The following GABBR2 variants were observed in gnomAD, a reference collection of about 807,000 sequenced individuals.
The protein encoded by GABBR2 is gamma-aminobutyric acid type B receptor subunit 2.
A neutral mutation model predicts 105.6 loss-of-function variants in GABBR2; 23 were observed. The ratio of observed to expected loss-of-function variants is 0.22; its 90% CI spans 0.16 to 0.31. The LOEUF (loss-of-function observed/expected upper bound fraction) is 0.31. Among genes scored for constraint, GABBR2 ranks in the 10% least tolerant of loss-of-function variants. The probability of loss-of-function intolerance (pLI) is 1.00; values close to 1 mark genes in which losing one functional copy is unlikely to be tolerated. For synonymous variants in GABBR2, 478 were observed against 499.7 expected, an observed-to-expected ratio of 0.96 and a Z score of 0.58; for missense variants, 734 against 1,245.5, an observed-to-expected ratio of 0.59 and a Z score of 6.18.
chr9:98,328,363 C>A (rs542692463), intron 13 of GABBR2, among the ~76,000 whole-genome samples: 2 of 152,106 alleles, frequency 1.3e-5, no homozygotes, highest in African/African-American at 4.8e-5. Flanking sequence ...CTATTAGTGA[C>A]GTGGCTGATT....
chr9:98,656,705 T>A (rs1226930799), intron 1 of GABBR2, among the ~76,000 whole-genome samples: 1 of 152,228 alleles, frequency 6.6e-6, no homozygotes. Flanking sequence ...AGTTACCAGT[T>A]ATGCCTTAAC....
At chr9:98,601,656 G>A (rs1829338543) in intron 1 of GABBR2, among the ~76,000 whole-genome samples, 1 of 152,190 alleles carries the variant, frequency 6.6e-6, no homozygotes, top group Admixed American at 6.5e-5. Flanking sequence ...AAAGTGAAGG[G>A]TGTTCTTTAA....
intron 10 of GABBR2, among the ~76,000 whole-genome samples, chr9:98,386,416 A>G (rs1390214893): frequency 6.6e-6 from 1 of 152,154 alleles, no homozygotes; most frequent in East Asian, 1.9e-4. Flanking sequence ...AAAGACAGCC[A>G]CACATGTGGG....
At chr9:98,646,693 C>T (rs1462451648) in intron 1 of GABBR2, among the ~76,000 whole-genome samples, 1 of 152,114 alleles carries the variant, frequency 6.6e-6, no homozygotes, top group Non-Finnish European at 1.5e-5. Context: ...TGTTCAGAGG[C>T]CCTTCCTCAT....
chr9:98,460,839 AC>A (rs1826412907), intron 6 of GABBR2, among the ~76,000 whole-genome samples: 1 of 152,106 alleles, frequency 6.6e-6, no homozygotes, highest in Non-Finnish European at 1.5e-5. Context: ...AGGAAAGTTC[AC>A]TTCAGCACAG....
Position 98,394,253 on chromosome 9 carries a change from T to G in GABBR2, c.1300A>C (p.Ser434Arg). The G allele has an allele frequency of 6.2e-7, 1 of 1,611,300 alleles. No individual in the cohort carries two copies. The highest frequency in any genetic ancestry group is 1.1e-5 in the South Asian group (1 of 90,986). ...TACTCTCCCACCTTCACCTCCCTGC[T>G]GTCTGTGGGGAGCAAAAGACAGTGG... ...GTIKFTQFQD[S>R]REVKVGEYNA... Residue 434 changes from serine to arginine, a missense_variant and splice_region_variant, in exon 9 of 19, where the codon AGC becomes CGC. Ser to Arg is a moderately radical substitution (Grantham distance 110). Coordinates refer to ENST00000259455, the MANE Select transcript of GABBR2 (RefSeq NM_005458.8).
chr9:98,337,096 G>C (rs4743201), intron 13 of GABBR2, among the ~76,000 whole-genome samples: 66,720 of 151,966 alleles, frequency 0.44, 14,773 homozygotes, highest in Middle Eastern at 0.47. Flanking sequence ...CCTGAGGTCA[G>C]GAGTTGAAGA....
chr9:98,324,811 C>T (rs947178542), intron 13 of GABBR2, among the ~76,000 whole-genome samples: 3 of 152,092 alleles, frequency 2.0e-5, no homozygotes, highest in Admixed American at 6.5e-5. Context: ...CCTCTGATGA[C>T]GGAGTTACCA....
At chr9:98,372,564 A>AGAGGCAGCCAGGCTGCAG (rs1460323809) in intron 11 of GABBR2, among the ~76,000 whole-genome samples, 1 of 152,232 alleles carries the variant, frequency 6.6e-6, no homozygotes, top group African/African-American at 2.4e-5. Flanking sequence ...GGGGAAAAAG[A>AGAGGCAGCCAGGCTGCAG]GAGGCAGCCA....
intron 5 of GABBR2, among the ~76,000 whole-genome samples, chr9:98,478,630 C>G (rs997638921): frequency 6.6e-6 from 1 of 152,138 alleles, no homozygotes; most frequent in African/African-American, 2.4e-5. Context: ...AGCCAGGGGG[C>G]TTTGGGTTGA....
rs1423721942 is a variant in GABBR2 at position 98,306,010 on chromosome 9, C to T, written c.2229+111G>A. The stretch of plus-strand genomic sequence containing the variant: ...TTTCTATAATGTGAATTGTCTTCAT[C>T]ATAAAAAAAAAAAGGAATGGGTAAA... On this transcript the variant is annotated intron_variant, in intron 15 of 18. Coordinates refer to ENST00000259455, the MANE Select transcript of GABBR2 (RefSeq NM_005458.8). This position sits in a 1 kb window ranked among gnomAD's most constrained non-coding sequence, Gnocchi z 5.4. The T allele has an allele frequency of 1.4e-6, 1 of 713,852 alleles. No individual in the cohort carries two copies. The highest frequency in any genetic ancestry group is 1.9e-5 in the African/African-American group (1 of 53,746). The allele number at this position is 713,852 out of a possible 1,614,324, so 44.2% of individuals were successfully genotyped here.
intron 7 of GABBR2, among the ~76,000 whole-genome samples, chr9:98,412,084 TG>T (rs1564057471): frequency 6.6e-6 from 1 of 152,234 alleles, no homozygotes; most frequent in African/African-American, 2.4e-5. Flanking sequence ...TTAAGCCCTT[TG>T]TTGGGGCCTC....
intron 6 of GABBR2, among the ~76,000 whole-genome samples, chr9:98,460,072 T>A (rs1039820104): frequency 3.9e-5 from 6 of 152,220 alleles, no homozygotes; most frequent in Non-Finnish European, 7.3e-5. Context: ...AACAAATTCA[T>A]AGGTGATCCA....
chr9:98,378,444 C>T, intron 11 of GABBR2, among the ~76,000 whole-genome samples: 1 of 152,202 alleles, frequency 6.6e-6, no homozygotes, highest in East Asian at 1.9e-4. Context: ...GAGCTCCTTC[C>T]CTCCCACAGC....
intron 7 of GABBR2, among the ~76,000 whole-genome samples, chr9:98,422,828 T>G (rs1365246752): frequency 1.9e-4 from 28 of 147,450 alleles, no homozygotes; most frequent in African/African-American, 6.5e-4. Flanking sequence ...GTTCTCACTG[T>G]TCAATTCCCA....
At chr9:98,418,089 G>A (rs1428712971) in intron 7 of GABBR2, among the ~76,000 whole-genome samples, 1 of 152,184 alleles carries the variant, frequency 6.6e-6, no homozygotes, top group Non-Finnish European at 1.5e-5. Context: ...CACAAAAGGG[G>A]TGTTGGCCAG....
At chr9:98,416,642 G>A (rs890361457) in intron 7 of GABBR2, among the ~76,000 whole-genome samples, 2 of 152,218 alleles carry the variant, frequency 1.3e-5, no homozygotes, top group Non-Finnish European at 2.9e-5. Flanking sequence ...TCAGACATCG[G>A]GCAGACATGC....
At chr9:98,335,630 G>A (rs1412674999) in intron 13 of GABBR2, among the ~76,000 whole-genome samples, 3 of 152,130 alleles carry the variant, frequency 2.0e-5, no homozygotes, top group Admixed American at 2.0e-4. Flanking sequence ...TAGCAGGATT[G>A]AGAACCACGA....
intron 1 of GABBR2, among the ~76,000 whole-genome samples, chr9:98,645,895 G>C (rs1039842471): frequency 6.6e-6 from 1 of 152,152 alleles, no homozygotes; most frequent in African/African-American, 2.4e-5. Flanking sequence ...GTTCTATGAG[G>C]TAAGTACCAT....
Sources: allele counts gnomAD v4.1 joint callset (sites outside exome capture counted in the v4.1 genomes callset), GRCh38; gene constraint gnomAD v4.1.1; non-coding constraint Gnocchi (gnomAD v3.1); transcripts MANE v1.5; gene names NCBI Gene and HGNC (gene_info 2026-07-23, HGNC 2026-07-21).